The following CSNK1G1 variants were observed in gnomAD, a reference collection of about 807,000 sequenced individuals.
The protein encoded by CSNK1G1 is casein kinase 1 gamma 1.
CSNK1G1 carries 22 observed loss-of-function variants against 59.6 expected under a neutral mutation model. That is an observed-to-expected ratio of 0.37 (90% confidence interval 0.26 to 0.53). The LOEUF (loss-of-function observed/expected upper bound fraction) is 0.53. CSNK1G1 is among the 20% of genes least tolerant of loss of function. The pLI is 0.89. For synonymous variants in CSNK1G1, 179 were observed against 177.1 expected, an observed-to-expected ratio of 1.01 and a Z score of -0.08; for missense variants, 384 against 519.5, an observed-to-expected ratio of 0.74 and a Z score of 2.54.
At chr15:64,319,017 A>C (rs146366802) in intron 1 of CSNK1G1, among the ~76,000 whole-genome samples, 1,737 of 150,312 alleles carry the variant, frequency 0.012, 107 homozygotes, top group Admixed American at 0.11. Context: ...CACCTGGCTA[A>C]ATTTTGTACT....
At chr15:64,223,531 G>C (rs753523860) in intron 4 of CSNK1G1, among the ~76,000 whole-genome samples, 2 of 152,148 alleles carry the variant, frequency 1.3e-5, no homozygotes, top group Non-Finnish European at 2.9e-5. Flanking sequence ...TCTCTCATCT[G>C]CTCTGGAAAT....
chr15:64,265,964 A>C (rs1566925727), intron 2 of CSNK1G1: 1 of 370,370 alleles, frequency 2.7e-6, no homozygotes, highest in Non-Finnish European at 5.4e-6. Context: ...AGTGCCTATA[A>C]TCCTAGCTAG....
intron 1 of CSNK1G1, among the ~76,000 whole-genome samples, chr15:64,354,578 C>T (rs1533378): frequency 0.79 from 120,104 of 152,112 alleles, 48,692 homozygotes; most frequent in East Asian, 0.95. Flanking sequence ...CGATCAATTT[C>T]GAGAAGACAC....
intron 10 of CSNK1G1, among the ~76,000 whole-genome samples, chr15:64,198,192 CTTTTTTTTTTTT>C (rs893282431): frequency 2.8e-4 from 31 of 110,564 alleles, no homozygotes; most frequent in African/African-American, 8.4e-4. Flanking sequence ...ACAGGATATA[CTTTTTTTTTTTT>C]TTTTTTTTTT....
intron 2 of CSNK1G1, among the ~76,000 whole-genome samples, chr15:64,279,184 G>C (rs1332528973): frequency 2.6e-5 from 4 of 152,132 alleles, no homozygotes; most frequent in Non-Finnish European, 5.9e-5. Context: ...AGAGCTCGGT[G>C]AATTTTTATA....
rs966119970 is a variant in CSNK1G1, at chr15:64,183,972, A to G, written c.1108-3518T>C. ...GGCTGGTCTTGAACTCCTGACCCCA[A>G]GTGATCTGGCTGGTATTTTTTTTCT... is the stretch of plus-strand genomic sequence containing the variant. On this transcript the variant is annotated intron_variant, in intron 10 of 11. Coordinates refer to ENST00000303052, the MANE Select transcript of CSNK1G1 (RefSeq NM_022048.5). 7.9e-5 allele frequency among the ~76,000 whole-genome samples: 12 copies of G among 152,058 alleles called. No individual in the cohort carries two copies. In the South Asian group the frequency reaches 2.5e-3, roughly 32 times the overall value.
chr15:64,204,985 A>G (rs1251672282), intron 7 of CSNK1G1, 36 bp from the exon 8 acceptor site: 1 of 1,242,180 alleles, frequency 8.1e-7, no homozygotes, highest in Non-Finnish European at 1.2e-6. Context: ...ACTTTAAAAG[A>G]GGGCCTAAAC....
At chr15:64,341,830 C>T (rs369569331) in intron 1 of CSNK1G1, among the ~76,000 whole-genome samples, 1 of 152,140 alleles carries the variant, frequency 6.6e-6, no homozygotes, top group East Asian at 1.9e-4. Flanking sequence ...ACTATCTACT[C>T]TAAAATCTAA....
intron 3 of CSNK1G1, among the ~76,000 whole-genome samples, chr15:64,252,096 GTATT>G (rs1892118602): frequency 6.6e-6 from 1 of 151,228 alleles, no homozygotes; most frequent in Non-Finnish European, 1.5e-5. Context: ...GTCTTTCAAA[GTATT>G]TATTTATCTA....
Position 64,203,096 on chromosome 15 carries a change from G to A in CSNK1G1, c.1093C>T (p.Pro365Ser). 1 of 1,613,392 alleles carries A rather than the reference G, an allele frequency of 6.2e-7. No individual in the cohort carries two copies. Among genetic ancestry groups the A allele is most frequent in the Non-Finnish European group, 8.5e-7 (1 of 1,179,306 alleles). The stretch of plus-strand genomic sequence containing the variant: ...TCAACACATACCTGATTTCGAAGAG[G>A]CTGCTGTTGTGATGGCCGATCCCTA... ...THRDRPSQQQPLRNQVVSSTN... is the reference protein window; with the variant it reads ...THRDRPSQQQSLRNQVVSSTN... The change falls in exon 10 of 12, where the codon CCT becomes TCT. Residue 365 changes from proline to serine, a missense_variant. Coordinates refer to ENST00000303052, the MANE Select transcript of CSNK1G1 (RefSeq NM_022048.5).
At chr15:64,277,731 A>G (rs1328453682) in intron 2 of CSNK1G1, among the ~76,000 whole-genome samples, 9 of 130,128 alleles carry the variant, frequency 6.9e-5, no homozygotes. Context: ...ATTTAATAAT[A>G]TATTAATATT....
At chr15:64,336,645 C>A (rs771417044) in intron 1 of CSNK1G1, among the ~76,000 whole-genome samples, 2 of 151,874 alleles carry the variant, frequency 1.3e-5, no homozygotes. Flanking sequence ...GTAAGAGATT[C>A]AAAATAACTG....
chr15:64,316,397 ATGG>A (rs1183533936), intron 1 of CSNK1G1, among the ~76,000 whole-genome samples: 3 of 151,956 alleles, frequency 2.0e-5, no homozygotes, highest in Non-Finnish European at 4.4e-5. Context: ...TTAGCCGGGC[ATGG>A]TGGCACACGC....
intron 8 of CSNK1G1, 46 bp from the exon 9 acceptor site, chr15:64,204,635 T>C (rs748586666): frequency 6.3e-7 from 1 of 1,589,526 alleles, no homozygotes; most frequent in Admixed American, 1.8e-5. Flanking sequence ...CTGAATGCTT[T>C]CCATAGCAGT....
chr15:64,239,208 A>G (rs1387493662), intron 4 of CSNK1G1, among the ~76,000 whole-genome samples: 3 of 152,240 alleles, frequency 2.0e-5, no homozygotes, highest in Admixed American at 6.5e-5. Context: ...TTAGATGCAC[A>G]AACATCAACA....
chr15:64,290,526 T>C (rs753598554), intron 2 of CSNK1G1, among the ~76,000 whole-genome samples: 5 of 151,946 alleles, frequency 3.3e-5, no homozygotes, highest in African/African-American at 7.2e-5. Context: ...GGGAGCTAAA[T>C]AATGTGTACA....
intron 1 of CSNK1G1, among the ~76,000 whole-genome samples, chr15:64,327,376 G>T (rs560939241): frequency 6.6e-6 from 1 of 150,640 alleles, no homozygotes; most frequent in African/African-American, 2.5e-5. Context: ...CCTGACCCCC[G>T]AGCAGCCTAA....
intron 2 of CSNK1G1, among the ~76,000 whole-genome samples, chr15:64,297,078 T>C (rs1009102678): frequency 1.3e-5 from 2 of 151,060 alleles, no homozygotes; most frequent in Non-Finnish European, 2.9e-5. Context: ...TATCCTTCCA[T>C]CTCATAAATA....
At chr15:64,332,760 ATAATT>A (rs1897182062) in intron 1 of CSNK1G1, among the ~76,000 whole-genome samples, 1 of 152,026 alleles carries the variant, frequency 6.6e-6, no homozygotes, top group Non-Finnish European at 1.5e-5. Flanking sequence ...TAGTTGAAAA[ATAATT>A]TAAAATTTTT....
Sources: allele counts gnomAD v4.1 joint callset (sites outside exome capture counted in the v4.1 genomes callset), GRCh38; gene constraint gnomAD v4.1.1; transcripts MANE v1.5; gene names NCBI Gene and HGNC (gene_info 2026-07-23, HGNC 2026-07-21).